The following LDAH variants were observed in gnomAD, a reference collection of about 807,000 sequenced individuals.
The protein encoded by LDAH is lipid droplet-associated hydrolase.
Under a neutral mutation model 29.6 loss-of-function variants are expected in LDAH, and 26 were observed. The observed-to-expected ratio is 0.88, with a 90% CI of 0.64 to 1.22. LDAH has a LOEUF of 1.22. LDAH is among the 50% of genes most tolerant of loss of function. The pLI, the probability that LDAH is intolerant of heterozygous loss-of-function variation, is 0.00. For missense variants in LDAH, 344 were observed against 387.3 expected (o/e 0.89, Z 0.94); for synonymous variants, 117 against 133.0 (o/e 0.88, Z 0.83).
chr2:20,690,789 T>C (rs530497247), intron 6 of LDAH, among the ~76,000 whole-genome samples: 15 of 152,240 alleles, frequency 9.9e-5, no homozygotes, highest in Admixed American at 7.9e-4. Context: ...TTTATCGGTA[T>C]GCAAAAATGA....
intron 5 of LDAH, among the ~76,000 whole-genome samples, chr2:20,731,699 T>C (rs1242756916): frequency 6.6e-6 from 1 of 152,190 alleles, no homozygotes; most frequent in Non-Finnish European, 1.5e-5. Context: ...TGGCTAAAAA[T>C]GTACATTATA....
intron 4 of LDAH, among the ~76,000 whole-genome samples, chr2:20,746,371 G>A (rs1217536497): frequency 1.3e-5 from 2 of 152,138 alleles, no homozygotes; most frequent in Non-Finnish European, 2.9e-5. Context: ...ATATTTGATT[G>A]ATCTATATCA....
intron 5 of LDAH, 136 bp from the exon 6 acceptor site, chr2:20,701,788 AGAG>A: frequency 1.4e-6 from 1 of 708,828 alleles, no homozygotes; most frequent in South Asian, 1.7e-5. Context: ...TGAGGCCAAC[AGAG>A]GAATGTGAGT....
rs1403073115 is a variant in LDAH, at chr2:20,774,799, G to A, written c.468+11C>T. ...TCCAGCACCCACAGTTACCTCTGGAGACCTACTTACCGGGAGCTCAGGGAC... is the reference window on the plus strand; with the variant it reads ...TCCAGCACCCACAGTTACCTCTGGAAACCTACTTACCGGGAGCTCAGGGAC... On this transcript the variant is annotated intron_variant, in intron 4 of 6. Coordinates refer to ENST00000237822, the MANE Select transcript of LDAH (RefSeq NM_021925.4). The A allele has an allele frequency of 3.7e-6, 6 of 1,612,240 alleles. No individual in the cohort carries two copies. Among genetic ancestry groups the A allele is most frequent in the Non-Finnish European group, 4.2e-6 (5 of 1,179,750 alleles).
chr2:20,682,978 C>T (rs1401845321), downstream of LDAH, among the ~76,000 whole-genome samples: 1 of 152,220 alleles, frequency 6.6e-6, no homozygotes, highest in Non-Finnish European at 1.5e-5. Context: ...TATTCCAAAC[C>T]ACCTATCCAA....
intron 5 of LDAH, among the ~76,000 whole-genome samples, chr2:20,721,326 T>C (rs998977305): frequency 1.6e-4 from 24 of 152,048 alleles, no homozygotes; most frequent in African/African-American, 4.6e-4. Flanking sequence ...AAGACCTGAA[T>C]AGAAATTTCT....
intron 2 of LDAH, 85 bp downstream of exon 2, chr2:20,801,225 T>G: frequency 1.1e-5 from 15 of 1,411,018 alleles, no homozygotes; most frequent in Non-Finnish European, 1.5e-5. Context: ...AGGTTTTCCA[T>G]ATTTACCAAA....
intron 2 of LDAH, among the ~76,000 whole-genome samples, chr2:20,791,787 A>C (rs1175456954): frequency 6.6e-6 from 1 of 152,200 alleles, no homozygotes; most frequent in Non-Finnish European, 1.5e-5. Context: ...TAAAATACTA[A>C]GTAGCAATCC....
intron 2 of LDAH, among the ~76,000 whole-genome samples, chr2:20,794,268 A>G (rs1671162976): frequency 2.6e-5 from 4 of 152,158 alleles, no homozygotes; most frequent in African/African-American, 9.7e-5. Flanking sequence ...CCGTGATTCA[A>G]TTACCTCCCA....
chr2:20,774,722 C>A (rs994093649), intron 4 of LDAH, 88 bp downstream of exon 4: 82 of 1,325,040 alleles, frequency 6.2e-5, no homozygotes, highest in East Asian at 2.1e-4. Flanking sequence ...ATCAACTGAA[C>A]AAGAGACAAA....
chr2:20,794,704 A>T (rs978491395), intron 2 of LDAH, among the ~76,000 whole-genome samples: 1 of 152,224 alleles, frequency 6.6e-6, no homozygotes, highest in Non-Finnish European at 1.5e-5. Context: ...AATATACTTA[A>T]CATTGTAGCA....
intron 4 of LDAH, among the ~76,000 whole-genome samples, chr2:20,772,042 AG>A (rs772072790): frequency 1.5e-4 from 23 of 152,240 alleles, no homozygotes; most frequent in Non-Finnish European, 2.6e-4. Context: ...GCTATAAGAA[AG>A]CACATTAACC....
At chr2:20,719,466 T>TAAG (rs142205495) in intron 5 of LDAH, among the ~76,000 whole-genome samples, 36,614 of 151,094 alleles carry the variant, frequency 0.24, 4,886 homozygotes, top group East Asian at 0.36. Context: ...AAATAATGAG[T>TAAG]AAGATCTAAA....
chr2:20,814,733 G>A (rs1007984957), intron 1 of LDAH, among the ~76,000 whole-genome samples: 2 of 152,144 alleles, frequency 1.3e-5, no homozygotes, highest in African/African-American at 4.8e-5. Flanking sequence ...TTTTAGTGAA[G>A]TAAATATAAA....
chr2:20,690,050 C>T (rs1662882513), intron 6 of LDAH, among the ~76,000 whole-genome samples: 1 of 152,226 alleles, frequency 6.6e-6, no homozygotes, highest in Admixed American at 6.5e-5. Flanking sequence ...GAAGAACGTA[C>T]CATTTACTTT....
chr2:20,804,990 A>G (rs1367020739), intron 1 of LDAH, among the ~76,000 whole-genome samples: 2 of 152,216 alleles, frequency 1.3e-5, no homozygotes, highest in Non-Finnish European at 2.9e-5. Flanking sequence ...ATGTGTTAGA[A>G]ACAATATTAG....
intron 4 of LDAH, among the ~76,000 whole-genome samples, chr2:20,744,249 T>A (rs550844650): frequency 6.7e-6 from 1 of 149,790 alleles, no homozygotes; most frequent in East Asian, 1.9e-4. Context: ...TTTTGCCTTT[T>A]GGTATGCCTG....
downstream of LDAH, among the ~76,000 whole-genome samples, chr2:20,682,933 G>T (rs1336137085): frequency 1.3e-5 from 2 of 152,196 alleles, no homozygotes; most frequent in Admixed American, 1.3e-4. Context: ...GTGCTGGGGT[G>T]AGCAGCATAC....
At chr2:20,688,915 G>A (rs561991692) in intron 6 of LDAH, among the ~76,000 whole-genome samples, 4 of 143,220 alleles carry the variant, frequency 2.8e-5, no homozygotes, top group East Asian at 2.1e-4. Context: ...AGGTATACAC[G>A]TGCCACGGTG....
Sources: allele counts gnomAD v4.1 joint callset (sites outside exome capture counted in the v4.1 genomes callset), GRCh38; gene constraint gnomAD v4.1.1; transcripts MANE v1.5; gene names NCBI Gene and HGNC (gene_info 2026-07-23, HGNC 2026-07-21).